OR3A2: variants seen among roughly 807,000 people sequenced by gnomAD.
The protein encoded by OR3A2 is olfactory receptor family 3 subfamily A member 2, also known as olfactory receptor 3A2.
For synonymous variants in OR3A2, 126 were observed against 159.3 expected (o/e 0.79, Z 1.57); for missense variants, 318 against 392.8 (o/e 0.81, Z 1.61).
At chr17:3,332,924 A>G (rs1376777851) in intron 3 of OR3A2, among the ~76,000 whole-genome samples, 3 of 152,222 alleles carry the variant, frequency 2.0e-5, no homozygotes. Flanking sequence ...GTGTTTGAAC[A>G]ATATGAAATG....
chr17:3,323,317 C>A (rs1368433119), intron 3 of OR3A2, among the ~76,000 whole-genome samples: 3 of 151,970 alleles, frequency 2.0e-5, no homozygotes, highest in African/African-American at 7.3e-5. Context: ...ATCCAATTTG[C>A]CAGTCTGTGT....
chr17:3,350,795 G>GCAAAC (rs1409344265), intron 2 of OR3A2, among the ~76,000 whole-genome samples: 1 of 149,304 alleles, frequency 6.7e-6, no homozygotes, highest in Non-Finnish European at 1.5e-5. Flanking sequence ...TAAAATACTG[G>GCAAAC]CAAACCGAAT....
chr17:3,385,768 G>A (rs1047968918), intron 1 of OR3A2, among the ~76,000 whole-genome samples: 5 of 152,134 alleles, frequency 3.3e-5, no homozygotes, highest in Admixed American at 6.5e-5. Flanking sequence ...GATGAGCAAC[G>A]TGATTTTCAA....
rs144289587 is a variant in OR3A2 at position 3,290,437 on chromosome 17, C to G, written c.-84-11284G>C. Among the ~76,000 whole-genome samples, 270 of 152,306 alleles carry G rather than the reference C, an allele frequency of 1.8e-3. 2 individuals carry two copies. The highest frequency in any genetic ancestry group is 6.2e-3 in the African/African-American group (256 of 41,572). On this transcript the variant is annotated intron_variant, in intron 3 of 4. Coordinates refer to the OR3A2 transcript ENST00000573491. ...TTTCCACTTCATTTTCCTACCAACT[C>G]TCCTCCTCCAGTCTTGTTTTGCTTC...
At chr17:3,324,551 T>C (rs1488498316) in intron 3 of OR3A2, among the ~76,000 whole-genome samples, 1 of 152,108 alleles carries the variant, frequency 6.6e-6, no homozygotes, top group Non-Finnish European at 1.5e-5. Context: ...CGGATGTCCT[T>C]CCTGTTTGTT....
At chr17:3,379,227 C>T (rs1002155876) in intron 2 of OR3A2, among the ~76,000 whole-genome samples, 1 of 152,172 alleles carries the variant, frequency 6.6e-6, no homozygotes, top group African/African-American at 2.4e-5. Flanking sequence ...GATGAGAGAA[C>T]AAGACTGTCC....
chr17:3,293,613 A>G (rs2048895447), intron 3 of OR3A2, among the ~76,000 whole-genome samples: 1 of 152,218 alleles, frequency 6.6e-6, no homozygotes. Flanking sequence ...TAAATAAACA[A>G]GAAAGACAAA....
chr17:3,348,278 T>G (rs1403420726), intron 2 of OR3A2, among the ~76,000 whole-genome samples: 1 of 152,198 alleles, frequency 6.6e-6, no homozygotes, highest in Non-Finnish European at 1.5e-5. Context: ...TTTTGGCTTT[T>G]GTTGCCATTG....
intron 2 of OR3A2, among the ~76,000 whole-genome samples, chr17:3,349,664 G>A (rs1224038360): frequency 1.3e-5 from 2 of 151,644 alleles, no homozygotes; most frequent in Non-Finnish European, 2.9e-5. Context: ...ATTGAACTCA[G>A]CTCTGCACCA....
At chr17:3,362,645 A>T (rs9901318) in intron 2 of OR3A2, among the ~76,000 whole-genome samples, 21,279 of 151,566 alleles carry the variant, frequency 0.14, 2,202 homozygotes, top group African/African-American at 0.25. Flanking sequence ...TTCAAAGAAC[A>T]TCTTTATTTC....
At chr17:3,328,140 C>T (rs1340510628) in intron 3 of OR3A2, among the ~76,000 whole-genome samples, 1 of 143,756 alleles carries the variant, frequency 7.0e-6, no homozygotes, top group African/African-American at 2.7e-5. Flanking sequence ...CTGTAAATTA[C>T]CTTGCGCAGT....
At chr17:3,333,797 TATC>T (rs2049257884) in intron 3 of OR3A2, among the ~76,000 whole-genome samples, 1 of 152,108 alleles carries the variant, frequency 6.6e-6, no homozygotes, top group African/African-American at 2.4e-5. Context: ...CAAGATAAAC[TATC>T]ATCAGAGTGA....
chr17:3,360,031 C>G (rs2049497424), intron 2 of OR3A2, among the ~76,000 whole-genome samples: 1 of 151,768 alleles, frequency 6.6e-6, no homozygotes, highest in Non-Finnish European at 1.5e-5. Flanking sequence ...GTTTACAGTC[C>G]CACCAACAGT....
Position 3,299,441 on chromosome 17 carries a change from G to C in OR3A2, c.-84-20288C>G, listed in dbSNP as rs146052861. On this transcript the variant is annotated intron_variant, in intron 3 of 4. Coordinates refer to the OR3A2 transcript ENST00000573491. The stretch of plus-strand genomic sequence containing the variant: ...GGACCCCATCATGACTTTGGAATTG[G>C]TGGTAGAAGAGCTGAGTTCAGTTAG... Among the ~76,000 whole-genome samples, 4 of 152,336 alleles carry C rather than the reference G, an allele frequency of 2.6e-5. No homozygotes were observed. In the East Asian group the frequency reaches 7.7e-4, roughly 29 times the overall value.
chr17:3,382,600 C>T (rs1190026906), intron 2 of OR3A2, among the ~76,000 whole-genome samples: 2 of 152,246 alleles, frequency 1.3e-5, no homozygotes, highest in East Asian at 3.8e-4. Flanking sequence ...CTCCCTGACC[C>T]CACGTCCAAA....
chr17:3,321,474 G>T (rs1029788219), intron 3 of OR3A2, among the ~76,000 whole-genome samples: 1 of 151,542 alleles, frequency 6.6e-6, no homozygotes, highest in Non-Finnish European at 1.5e-5. Flanking sequence ...CAAAGGGAAT[G>T]CTTCCAGTTT....
chr17:3,368,448 C>T (rs892025489), intron 2 of OR3A2, among the ~76,000 whole-genome samples: 5 of 152,246 alleles, frequency 3.3e-5, no homozygotes, highest in East Asian at 1.9e-4. Flanking sequence ...CATTCTTCTA[C>T]GTGTAGCTTG....
At chr17:3,368,618 T>C (rs1002387492) in intron 2 of OR3A2, among the ~76,000 whole-genome samples, 5 of 152,216 alleles carry the variant, frequency 3.3e-5, no homozygotes, top group Non-Finnish European at 5.9e-5. Context: ...ATCAGTACCA[T>C]GTTGTTTTGG....
chr17:3,356,832 T>C (rs980343976), intron 2 of OR3A2, among the ~76,000 whole-genome samples: 1 of 151,716 alleles, frequency 6.6e-6, no homozygotes, highest in African/African-American at 2.4e-5. Flanking sequence ...CTGTCTCATC[T>C]TTCTAAACAA....
Sources: gnomAD v4.1 joint callset for allele counts (sites outside exome capture counted in the v4.1 genomes callset) on GRCh38, gnomAD v4.1.1 for gene constraint, MANE v1.5 for transcripts, NCBI Gene and HGNC (gene_info 2026-07-23, HGNC 2026-07-21) for gene names.